The following SOX5 variants were observed in gnomAD, a reference collection of about 807,000 sequenced individuals.
SOX5 encodes SRY-box transcription factor 5.
A neutral mutation model predicts 92.0 loss-of-function variants in SOX5; 9 were observed. The ratio of observed to expected loss-of-function variants is 0.10; its 90% confidence interval spans 0.06 to 0.17. SOX5 has a LOEUF of 0.17. Among genes scored for constraint, SOX5 ranks in the 10% least tolerant of loss-of-function variants. The pLI is 1.00. For missense variants in SOX5, 642 were observed against 944.5 expected, an observed-to-expected ratio of 0.68 and a Z score of 4.20; for synonymous variants, 344 against 336.3, an observed-to-expected ratio of 1.02 and a Z score of -0.25.
At chr12:23,891,569 T>A (rs2097130008) in intron 2 of SOX5, among the ~76,000 whole-genome samples, 1 of 151,462 alleles carries the variant, frequency 6.6e-6, no homozygotes, top group Admixed American at 6.6e-5. Context: ...GAATGGAGTA[T>A]GAATGTCACA....
In SOX5 at chr12:23,803,544, A is replaced by C. The variant is rs2095703571; in HGVS notation, c.481+42439T>G. ...TGATAGCCTACTAATGAATTGCCCTACCTTTGATCCATAACTCTTTTATAA... is the reference window on the plus strand; with the variant it reads ...TGATAGCCTACTAATGAATTGCCCTCCCTTTGATCCATAACTCTTTTATAA... On this transcript the variant is annotated intron_variant, in intron 3 of 14. Coordinates refer to ENST00000451604, the MANE Select transcript of SOX5 (RefSeq NM_006940.6). 2.0e-5 allele frequency among the ~76,000 whole-genome samples: 3 copies of C among 152,136 alleles called. No individual in the cohort carries two copies. In the South Asian group the frequency reaches 6.2e-4, roughly 31 times the overall value.
At chr12:23,799,971 T>C (rs914418596) in intron 3 of SOX5, among the ~76,000 whole-genome samples, 3 of 152,102 alleles carry the variant, frequency 2.0e-5, no homozygotes, top group Non-Finnish European at 4.4e-5. Context: ...GATATTGAGC[T>C]AAATGTAAAT....
At chr12:23,577,195 T>TTTATATA (rs1949300392) in intron 9 of SOX5, among the ~76,000 whole-genome samples, 1 of 76,866 alleles carries the variant, frequency 1.3e-5, no homozygotes. Context: ...ATATATATTT[T>TTTATATA]TTTTTTTTTT....
rs183843796 is a variant in SOX5 at position 24,168,989 on chromosome 12, T to C, written c.-2+44354A>G. 4.3e-4 allele frequency among the ~76,000 whole-genome samples: 66 copies of C among 151,862 alleles called. 1 individual carries two copies. Among genetic ancestry groups the C allele is most frequent in the Admixed American group, 4.0e-3 (61 of 15,250 alleles). ...TTCCAAAAAAAAAATAATAATAAGA[T>C]AGGGTAGGTGTAGCTCTTGAATGTA... On this transcript the variant is annotated intron_variant, in intron 4 of 4. Coordinates refer to the SOX5 transcript ENST00000446891.
chr12:23,721,008 T>G (rs1309491897), intron 6 of SOX5, among the ~76,000 whole-genome samples: 9 of 152,108 alleles, frequency 5.9e-5, no homozygotes, highest in Non-Finnish European at 1.3e-4. Flanking sequence ...GACCATATCT[T>G]CATCTACAAA....
intron 6 of SOX5, among the ~76,000 whole-genome samples, chr12:23,725,211 T>C (rs1259253047): frequency 6.6e-6 from 1 of 152,132 alleles, no homozygotes; most frequent in Non-Finnish European, 1.5e-5. Flanking sequence ...CTGTTAGGTA[T>C]CCATTTGTAT....
intron 1 of SOX5, among the ~76,000 whole-genome samples, chr12:24,432,492 G>A (rs1193724083): frequency 6.6e-6 from 1 of 152,148 alleles, no homozygotes; most frequent in Non-Finnish European, 1.5e-5. Flanking sequence ...CTCTGAGGTA[G>A]TAGAAAATTC....
intron 4 of SOX5, among the ~76,000 whole-genome samples, chr12:24,048,635 A>G (rs959901661): frequency 2.0e-5 from 3 of 152,254 alleles, no homozygotes; most frequent in Admixed American, 1.3e-4. Context: ...AAATGGATAA[A>G]TAAAATGTGG....
chr12:23,754,278 G>A (rs770003341), intron 4 of SOX5, among the ~76,000 whole-genome samples: 4 of 151,816 alleles, frequency 2.6e-5, no homozygotes, highest in Non-Finnish European at 5.9e-5. Flanking sequence ...AGTCTTCGCT[G>A]CTCTACTCTG....
intron 4 of SOX5, among the ~76,000 whole-genome samples, chr12:24,100,980 A>T (rs1186643802): frequency 1.3e-5 from 2 of 152,060 alleles, no homozygotes; most frequent in Admixed American, 6.6e-5. Context: ...ATCTCAGTCC[A>T]CAATTTATCA....
At chr12:24,175,291 T>A (rs75379726) in intron 4 of SOX5, among the ~76,000 whole-genome samples, 2 of 152,220 alleles carry the variant, frequency 1.3e-5, no homozygotes, top group Non-Finnish European at 2.9e-5. Flanking sequence ...TTGTGTAATA[T>A]CTAAGTGGGG....
chr12:24,408,931 A>C (rs1963539280), intron 1 of SOX5, among the ~76,000 whole-genome samples: 1 of 152,184 alleles, frequency 6.6e-6, no homozygotes. Context: ...TTCCTCGAGA[A>C]TCTAGAACCG....
intron 2 of SOX5, among the ~76,000 whole-genome samples, chr12:24,349,422 A>G (rs1274008335): frequency 1.3e-5 from 2 of 152,078 alleles, no homozygotes; most frequent in Admixed American, 1.3e-4. Flanking sequence ...CTTTGACAAT[A>G]AGTCAATTTT....
At chr12:23,828,951 T>C (rs563885646) in intron 3 of SOX5, among the ~76,000 whole-genome samples, 16 of 152,214 alleles carry the variant, frequency 1.1e-4, no homozygotes, top group African/African-American at 3.1e-4. Flanking sequence ...CACTGCTCCT[T>C]CACGATGCTG....
At chr12:23,575,528 G>A (rs1288952659) in intron 10 of SOX5, 133 bp downstream of exon 10, 8 of 732,928 alleles carry the variant, frequency 1.1e-5, no homozygotes, top group African/African-American at 1.8e-5. Context: ...ACGGACCTAG[G>A]TGGTTCCTCA....
intron 3 of SOX5, among the ~76,000 whole-genome samples, chr12:23,803,704 G>T (rs560155737): frequency 6.6e-6 from 1 of 152,220 alleles, no homozygotes; most frequent in Non-Finnish European, 1.5e-5. Context: ...GTGATTAAGT[G>T]CTGTGAGGTA....
intron 3 of SOX5, among the ~76,000 whole-genome samples, chr12:24,238,612 T>A (rs1272242893): frequency 6.6e-6 from 1 of 152,096 alleles, no homozygotes; most frequent in African/African-American, 2.4e-5. Flanking sequence ...CTTCCTCAGC[T>A]TCCCAAAGTG....
chr12:23,562,853 C>A (rs1946454353), intron 11 of SOX5, among the ~76,000 whole-genome samples: 1 of 152,160 alleles, frequency 6.6e-6, no homozygotes, highest in African/African-American at 2.4e-5. Context: ...ATCCTAAATA[C>A]TTAGAATATG....
intron 1 of SOX5, among the ~76,000 whole-genome samples, chr12:24,401,356 G>GAAAAA (rs1425838279): frequency 0.022 from 3,137 of 144,138 alleles, 71 homozygotes; most frequent in Non-Finnish European, 0.031. Context: ...CATCTCAGGG[G>GAAAAA]AAAAAAAAAA....
Sources: gnomAD v4.1 joint callset for allele counts (sites outside exome capture counted in the v4.1 genomes callset) on GRCh38, gnomAD v4.1.1 for gene constraint, MANE v1.5 for transcripts, NCBI Gene and HGNC (gene_info 2026-07-23, HGNC 2026-07-21) for gene names.